TEAD4: variants seen among roughly 807,000 people sequenced by gnomAD.
The protein encoded by TEAD4 is transcriptional enhancer factor TEF-3.
A neutral mutation model predicts 52.4 loss-of-function variants in TEAD4; 36 were observed. The ratio of observed to expected loss-of-function variants is 0.69; its 90% CI spans 0.53 to 0.91. The LOEUF is 0.91. Among genes scored for constraint, TEAD4 ranks in the 40% least tolerant of loss-of-function variants. The pLI, the probability that TEAD4 is intolerant of heterozygous loss-of-function variation, is 0.00. For synonymous variants in TEAD4, 220 were observed against 231.0 expected (o/e 0.95, Z 0.43); for missense variants, 508 against 583.9 (o/e 0.87, Z 1.34).
Position 3,019,178 on chromosome 12 carries a change from G to T in TEAD4, c.583+8G>T. The T allele has an allele frequency of 6.2e-7, 1 of 1,613,610 alleles. No homozygotes were observed. The highest frequency in any genetic ancestry group is 8.5e-7 in the Non-Finnish European group (1 of 1,179,936). On this transcript the variant is annotated splice_region_variant and intron_variant, in intron 8 of 12. Transcript: ENST00000359864. ...CTCCGCTGCCTCTGCCAGGTGGGTG[G>T]GCGCTGCGTGGCCCCCTTTCTATCG...
At chr12:3,019,908 C>T (rs904799692) in intron 8 of TEAD4, among the ~76,000 whole-genome samples, 2 of 152,204 alleles carry the variant, frequency 1.3e-5, no homozygotes, top group African/African-American at 4.8e-5. Flanking sequence ...TGCCAGTCTT[C>T]TGTCCACACT....
At chr12:3,040,280 G>C in intron 12 of TEAD4, 21 bp downstream of exon 12, 2 of 1,614,140 alleles carry the variant, frequency 1.2e-6, no homozygotes, top group South Asian at 2.2e-5. Flanking sequence ...GGTGCTGCGG[G>C]TGTGGCTGGA....
chr12:3,039,352 C>A (rs1193695126), intron 11 of TEAD4, among the ~76,000 whole-genome samples: 2 of 152,232 alleles, frequency 1.3e-5, no homozygotes, highest in Non-Finnish European at 2.9e-5. Flanking sequence ...CCAGCTCTTG[C>A]CCTGGCCATA....
chr12:3,036,643 G>A (rs1395311082), intron 10 of TEAD4, among the ~76,000 whole-genome samples: 1 of 152,218 alleles, frequency 6.6e-6, no homozygotes, highest in Non-Finnish European at 1.5e-5. Context: ...CGGGGTGTGG[G>A]TGGGAGGAGC....
intron 2 of TEAD4, among the ~76,000 whole-genome samples, chr12:2,968,895 A>G (rs2098222797): frequency 6.6e-6 from 1 of 152,094 alleles, no homozygotes; most frequent in Admixed American, 6.6e-5. Context: ...GCCTCAAGCG[A>G]TCCTCCAGCT....
At chr12:2,962,333 A>ATAAATATATATATAAATATAT (rs1565518244) in intron 2 of TEAD4, among the ~76,000 whole-genome samples, 1 of 38,048 alleles carries the variant, frequency 2.6e-5, no homozygotes, top group East Asian at 3.8e-4. Context: ...TATAAATATA[A>ATAAATATATATATAAATATAT]ATATATATAT....
At chr12:2,991,703 T>C (rs1431824632) in intron 2 of TEAD4, among the ~76,000 whole-genome samples, 2 of 152,068 alleles carry the variant, frequency 1.3e-5, no homozygotes, top group Non-Finnish European at 2.9e-5. Flanking sequence ...TATGGAAAAA[T>C]GTTTTCATGT....
intron 8 of TEAD4, 44 bp from the exon 9 acceptor site, chr12:3,020,590 G>A: frequency 6.7e-7 from 1 of 1,487,510 alleles, no homozygotes; most frequent in Non-Finnish European, 9.0e-7. Context: ...GGGCAGGGCG[G>A]GTGTCCGTGA....
At chr12:3,039,463 T>C (rs376201907) in intron 11 of TEAD4, among the ~76,000 whole-genome samples, 6 of 152,258 alleles carry the variant, frequency 3.9e-5, no homozygotes, top group East Asian at 1.9e-4. Flanking sequence ...CACTCCTATG[T>C]GCGCTTGCAT....
intron 10 of TEAD4, among the ~76,000 whole-genome samples, chr12:3,028,296 G>A (rs4766027): frequency 0.91 from 139,270 of 152,226 alleles, 64,978 homozygotes; most frequent in East Asian, 1. Flanking sequence ...TTGTGTGGAC[G>A]TTCATTTTCA....
intron 2 of TEAD4, among the ~76,000 whole-genome samples, chr12:2,981,471 A>G (rs1438691886): frequency 2.0e-5 from 3 of 152,092 alleles, no homozygotes; most frequent in African/African-American, 7.2e-5. Context: ...GGGCTCAGGG[A>G]ACCCTTCAGG....
At chr12:3,004,401 C>G (rs549741032) in intron 3 of TEAD4, among the ~76,000 whole-genome samples, 8 of 152,326 alleles carry the variant, frequency 5.3e-5, no homozygotes, top group Non-Finnish European at 1.0e-4. Context: ...CTCTGGGCTT[C>G]CATTTCATCT....
At chr12:2,967,285 A>G (rs771183136) in intron 2 of TEAD4, among the ~76,000 whole-genome samples, 15 of 152,220 alleles carry the variant, frequency 9.9e-5, no homozygotes, top group Non-Finnish European at 1.5e-4. Flanking sequence ...ATATTTTAAC[A>G]TAATTGCAAT....
chr12:3,021,096 C>T (rs1565546986), intron 9 of TEAD4, among the ~76,000 whole-genome samples: 1 of 152,080 alleles, frequency 6.6e-6, no homozygotes, highest in Non-Finnish European at 1.5e-5. Context: ...CCCACCCCTA[C>T]ACTGTCCCAG....
chr12:3,003,515 G>C (rs1042576726), intron 3 of TEAD4, among the ~76,000 whole-genome samples: 4 of 152,092 alleles, frequency 2.6e-5, no homozygotes, highest in Non-Finnish European at 5.9e-5. Context: ...TGGCCGGCAG[G>C]GTGTGTGTGA....
intron 3 of TEAD4, among the ~76,000 whole-genome samples, chr12:3,005,699 T>C (rs142758608): frequency 0.046 from 6,958 of 152,128 alleles, 511 homozygotes; most frequent in African/African-American, 0.16. Context: ...CGGGGTTTCA[T>C]TGTGTTAGCC....
At chr12:2,964,199 G>A (rs746644886) in intron 2 of TEAD4, among the ~76,000 whole-genome samples, 3 of 152,308 alleles carry the variant, frequency 2.0e-5, no homozygotes, top group East Asian at 1.9e-4. Flanking sequence ...CACAGGGCTC[G>A]TGTTTGCCAG....
At position 2,959,417 on chromosome 12, in the gene TEAD4, C is replaced by CT. The variant is rs2098213257; in HGVS notation, c.-186dup. 1 of 146,634 alleles carries CT rather than the reference C, an allele frequency of 6.8e-6. No homozygotes were observed. Among genetic ancestry groups the CT allele is most frequent in the African/African-American group, 2.4e-5 (1 of 40,832 alleles). The allele number at this position is 146,634 out of a possible 1,614,324, so 9.1% of individuals were successfully genotyped here. On this transcript the variant is annotated 5_prime_UTR_variant, in exon 1 of 13. Coordinates refer to ENST00000359864, the MANE Select transcript of TEAD4 (RefSeq NM_003213.4). This position sits in a 1 kb window ranked among gnomAD's most constrained non-coding sequence, Gnocchi z 5.1. Reference sequence around the variant, plus strand: ...CCCTCATTCCGCGCATTCCAGCGTCCTCCTCGCACACTCGAGGCCAGGGGG... The same window carrying CT: ...CCCTCATTCCGCGCATTCCAGCGTCCTTCCTCGCACACTCGAGGCCAGGGGG...
chr12:3,032,208 A>G (rs1591599372), intron 10 of TEAD4, among the ~76,000 whole-genome samples: 1 of 152,022 alleles, frequency 6.6e-6, no homozygotes, highest in Non-Finnish European at 1.5e-5. Flanking sequence ...TTTCTTTCTG[A>G]CTCTTAGGGG....
Sources: gnomAD v4.1 joint callset for allele counts (sites outside exome capture counted in the v4.1 genomes callset) on GRCh38, gnomAD v4.1.1 for gene constraint, Gnocchi (gnomAD v3.1) non-coding constraint, MANE v1.5 for transcripts, NCBI Gene and HGNC (gene_info 2026-07-23, HGNC 2026-07-21) for gene names.